Variants in MAEA observed in about 807,000 individuals in gnomAD.
MAEA encodes macrophage erythroblast attacher, E3 ubiquitin ligase.
A neutral mutation model predicts 46.2 loss-of-function variants in MAEA; 22 were observed. That is an observed-to-expected ratio of 0.48 (90% confidence interval 0.34 to 0.68). The LOEUF is 0.68. MAEA is among the 30% of genes least tolerant of loss of function. MAEA has a pLI of 0.01. For missense variants in MAEA, 393 were observed against 558.1 expected (o/e 0.70, Z 2.98); for synonymous variants, 246 against 222.6 (o/e 1.11, Z -0.94).
chr4:1,316,034 G>C, intron 3 of MAEA, among the ~76,000 whole-genome samples: 1 of 151,928 alleles, frequency 6.6e-6, no homozygotes. Flanking sequence ...CGGCTCTCCA[G>C]GTTCTTCTCA....
chr4:1,314,052 G>A (rs1364863758), intron 2 of MAEA, among the ~76,000 whole-genome samples: 2 of 152,128 alleles, frequency 1.3e-5, no homozygotes, highest in Non-Finnish European at 2.9e-5. Flanking sequence ...GATTGGGCAG[G>A]CACAGTGGCT....
chr4:1,317,733 A>T (rs1294390672), intron 3 of MAEA, among the ~76,000 whole-genome samples: 1 of 152,148 alleles, frequency 6.6e-6, no homozygotes, highest in East Asian at 1.9e-4. Flanking sequence ...GTGATGTGTC[A>T]CAGCTGTGCC....
chr4:1,334,703 G>A (rs148384024), intron 6 of MAEA: 96 of 192,312 alleles, frequency 5.0e-4, no homozygotes, highest in Non-Finnish European at 7.4e-4. Context: ...ACCGTGTCTC[G>A]TGGCAGGAAA....
At position 1,336,820 on chromosome 4, in the gene MAEA, C is replaced by T. The variant is rs769431415; in HGVS notation, c.766-41C>T. 1.9e-6 allele frequency: 3 copies of T among 1,596,538 alleles called. No individual in the cohort carries two copies. In the South Asian group the frequency reaches 3.4e-5, roughly 18 times the overall value. ...GTTTTTAAGCTGTCCCAGGAGCTTC[C>T]CTGGGAGCATCCCCAGGACCCTCTG... On this transcript the variant is annotated intron_variant, in intron 6 of 8. Transcript: ENST00000303400.
rs754938932 is a variant in MAEA at position 1,336,880 on chromosome 4, G to A, written c.785G>A (p.Arg262Gln). 4.3e-6 allele frequency: 7 copies of A among 1,613,842 alleles called. No individual in the cohort carries two copies. The highest frequency in any genetic ancestry group is 1.7e-5 in the Admixed American group (1 of 60,000). The change falls in exon 7 of 9, where the codon CGG becomes CAG. Residue 262 changes from arginine (R) to glutamine (Q), a missense_variant. By Grantham distance (43) the Arg-to-Gln change is conservative. Coordinates refer to ENST00000303400, the MANE Select transcript of MAEA (RefSeq NM_001017405.3). ...SPYKDLLDPA[R>Q]WRMLIQQFRY... ...TTCCAGGACCTTCTGGACCCTGCAC[G>A]GTGGCGGATGCTGATCCAGCAGTTC...
At chr4:1,338,988 G>C (rs777510213) in intron 8 of MAEA, 86 bp from the exon 9 acceptor site, 5 of 1,115,142 alleles carry the variant, frequency 4.5e-6, no homozygotes, top group Non-Finnish European at 6.8e-6. Flanking sequence ...GTCATTCCCT[G>C]GTGGTTCATT....
intron 2 of MAEA, 55 bp downstream of exon 2, chr4:1,312,216 C>T (rs115775765): frequency 0.018 from 29,501 of 1,600,272 alleles, 318 homozygotes; most frequent in Non-Finnish European, 0.023. Flanking sequence ...CCCCTTTTGT[C>T]TCGAAAATGA....
intron 6 of MAEA, 88 bp from the exon 7 acceptor site, chr4:1,336,773 C>G: frequency 7.5e-7 from 1 of 1,335,984 alleles, no homozygotes; most frequent in Non-Finnish European, 1.0e-6. Context: ...GGGCCGATGG[C>G]ACCTGCTTCA....
At chr4:1,309,158 A>G in intron 1 of MAEA, among the ~76,000 whole-genome samples, 1 of 152,156 alleles carries the variant, frequency 6.6e-6, no homozygotes. Flanking sequence ...ACTAAGCAAT[A>G]TTTCTGAGTA....
At chr4:1,296,738 A>C (rs1420583735) in intron 1 of MAEA, among the ~76,000 whole-genome samples, 2 of 150,098 alleles carry the variant, frequency 1.3e-5, no homozygotes, top group Admixed American at 6.6e-5. Flanking sequence ...CCAACACTCC[A>C]CCCAGATGTT....
chr4:1,337,348 C>CTCTGCCCTGCCTGTGACTGAA, intron 7 of MAEA: 1 of 313,188 alleles, frequency 3.2e-6, no homozygotes, highest in Non-Finnish European at 6.1e-6. Context: ...CTGTGACTGA[C>CTCTGCCCTGCCTGTGACTGAA]TCTGTCCCGC....
chr4:1,320,771 G>A (rs1280154507), intron 3 of MAEA, among the ~76,000 whole-genome samples: 2 of 152,102 alleles, frequency 1.3e-5, no homozygotes, highest in African/African-American at 2.4e-5. Flanking sequence ...GCAAGAAAAC[G>A]CTATGAAGGG....
intron 5 of MAEA, chr4:1,330,369 G>C (rs575418570): frequency 1.4e-5 from 2 of 147,822 alleles, no homozygotes; most frequent in African/African-American, 5.3e-5. Context: ...GTTTTGCTCT[G>C]TTGCCTGGCA....
intron 1 of MAEA, among the ~76,000 whole-genome samples, chr4:1,307,283 A>C (rs551812713): frequency 6.7e-6 from 1 of 150,044 alleles, no homozygotes; most frequent in African/African-American, 2.5e-5. Flanking sequence ...TCATCTTGCA[A>C]ACCGGAAACT....
intron 1 of MAEA, among the ~76,000 whole-genome samples, chr4:1,292,396 G>T (rs868017263): frequency 3.9e-5 from 6 of 152,276 alleles, no homozygotes; most frequent in Middle Eastern, 3.4e-3. Flanking sequence ...TGCCTGGCAG[G>T]TACTTATTTT....
In MAEA at chr4:1,311,837, G is replaced by T. The variant is rs1455844577; in HGVS notation, c.70-142G>T. 1 of 713,824 alleles carries T rather than the reference G, an allele frequency of 1.4e-6. No homozygotes were observed. Among genetic ancestry groups the T allele is most frequent in the Non-Finnish European group, 2.3e-6 (1 of 428,398 alleles). 44.2% of individuals were successfully genotyped at this position (713,824 alleles called of 1,614,324 possible). A position where few individuals can be genotyped will look rare whatever the true frequency, so the allele number is the denominator to read the frequency against. On this transcript the variant is annotated intron_variant, in intron 1 of 8. Coordinates refer to ENST00000303400, the MANE Select transcript of MAEA (RefSeq NM_001017405.3). This position sits in a 1 kb window ranked among gnomAD's most constrained non-coding sequence, Gnocchi z 4.4. ...TTTTGTGGGTCTTGGTTGAGGTTTA[G>T]AGTAGATACTTTTGAGACCATGAAC...
intron 5 of MAEA, chr4:1,332,298 C>A (rs747214990): frequency 6.4e-6 from 1 of 156,506 alleles, no homozygotes; most frequent in Non-Finnish European, 1.4e-5. Flanking sequence ...GGTAGCTGCT[C>A]CTCCAGCCTC....
At chr4:1,309,633 G>T (rs1418683495) in intron 1 of MAEA, 1 of 1,529,984 alleles carries the variant, frequency 6.5e-7, no homozygotes, top group Non-Finnish European at 8.7e-7. Context: ...GAGGCCTGAG[G>T]AGTAAGCGGC....
intron 7 of MAEA, 181 bp downstream of exon 7, chr4:1,337,175 G>A (rs979679808): frequency 2.5e-5 from 17 of 682,460 alleles, no homozygotes; most frequent in African/African-American, 1.6e-4. Flanking sequence ...GAGGGGCCTC[G>A]GATGCGTCGT....
Sources: gnomAD v4.1 joint callset for allele counts (sites outside exome capture counted in the v4.1 genomes callset) on GRCh38, gnomAD v4.1.1 for gene constraint, Gnocchi (gnomAD v3.1) non-coding constraint, MANE v1.5 for transcripts, NCBI Gene and HGNC (gene_info 2026-07-23, HGNC 2026-07-21) for gene names.